The following KCNMA1 variants were observed in gnomAD, a reference collection of about 807,000 sequenced individuals.
The protein encoded by KCNMA1 is potassium calcium-activated channel subfamily M alpha 1.
Under a neutral mutation model 140.0 loss-of-function variants are expected in KCNMA1, and 29 were observed. That is an observed-to-expected ratio of 0.21 (90% CI 0.15 to 0.28). The LOEUF (loss-of-function observed/expected upper bound fraction) is 0.28. KCNMA1 is among the 10% of genes least tolerant of loss of function. KCNMA1 has a pLI of 1.00. For missense variants in KCNMA1, 880 were observed against 1,602.2 expected, an observed-to-expected ratio of 0.55 and a Z score of 7.70; for synonymous variants, 612 against 611.9, an observed-to-expected ratio of 1.00 and a Z score of 0.00.
chr10:77,108,644 G>C lies in KCNMA1; in HGVS notation c.1132-72C>G. The C allele has an allele frequency of 3.6e-6, 4 of 1,105,094 alleles. No homozygotes were observed. The South Asian group carries it at 5.0e-5, about 14-fold the overall frequency. 68.5% of individuals were successfully genotyped at this position (1,105,094 alleles called of 1,614,324 possible). ...AAAAGGGGGGACCTGTTCAGAGGGT[G>C]GGGGCACTAAGATCTGAAAACACAA... On this transcript the variant is annotated intron_variant, in intron 8 of 27. Transcript: ENST00000286628. The surrounding 1 kb of genome is among the most constrained non-coding windows in gnomAD (Gnocchi z 4.6).
intron 2 of KCNMA1, among the ~76,000 whole-genome samples, chr10:77,281,999 T>C (rs2068780883): frequency 6.6e-6 from 1 of 152,196 alleles, no homozygotes; most frequent in Non-Finnish European, 1.5e-5. Context: ...AGACCTCAGT[T>C]TGGGTTAACA....
chr10:77,203,436 C>G (rs1373439104), intron 3 of KCNMA1, among the ~76,000 whole-genome samples: 1 of 152,156 alleles, frequency 6.6e-6, no homozygotes, highest in East Asian at 1.9e-4. Flanking sequence ...AAAGCCTCCC[C>G]TGATCCTCCT....
intron 5 of KCNMA1, among the ~76,000 whole-genome samples, chr10:77,179,366 C>T (rs1316299948): frequency 6.6e-6 from 1 of 152,114 alleles, no homozygotes; most frequent in Non-Finnish European, 1.5e-5. Context: ...GGTCGGATCT[C>T]CAAGCTGCTG....
intron 2 of KCNMA1, among the ~76,000 whole-genome samples, chr10:77,383,390 G>A (rs994262771): frequency 2.0e-5 from 3 of 148,168 alleles, no homozygotes; most frequent in South Asian, 4.3e-4. Context: ...GAGGCCTGGA[G>A]AGATGGTTGC....
intron 14 of KCNMA1, among the ~76,000 whole-genome samples, chr10:77,059,927 G>A (rs1226663931): frequency 1.3e-5 from 2 of 152,076 alleles, no homozygotes; most frequent in East Asian, 3.9e-4. Context: ...TACCACCAAT[G>A]AACAATTGGA....
intron 1 of KCNMA1, among the ~76,000 whole-genome samples, chr10:77,582,067 G>A (rs2076043086): frequency 6.6e-6 from 1 of 152,194 alleles, no homozygotes; most frequent in Non-Finnish European, 1.5e-5. Flanking sequence ...TTTTCCCAGG[G>A]CTGAGAAGAC....
At position 77,323,689 on chromosome 10, in the gene KCNMA1, A is replaced by G. The variant is rs562814782; in HGVS notation, c.541-72433T>C. Among the ~76,000 whole-genome samples, 3 of 152,356 alleles carry G rather than the reference A, an allele frequency of 2.0e-5. No individual in the cohort carries two copies. In the South Asian group the frequency reaches 6.2e-4, roughly 32 times the overall value. On this transcript the variant is annotated intron_variant, in intron 2 of 27. Coordinates refer to ENST00000286628, the MANE Select transcript of KCNMA1 (RefSeq NM_001161352.2). ...AATTTAGTAACTGAAGATAAGTTACATTGTATATGAGATGTATTTATATGC... is the reference window on the plus strand; with the variant it reads ...AATTTAGTAACTGAAGATAAGTTACGTTGTATATGAGATGTATTTATATGC...
Position 76,886,309 on chromosome 10 carries a change from T to C in KCNMA1, c.*957A>G. 1.0e-6 allele frequency: 1 copy of C among 985,306 alleles called. No homozygotes were observed. The highest frequency in any genetic ancestry group is 1.2e-6 in the Non-Finnish European group (1 of 829,920). 61.0% of individuals were successfully genotyped at this position (985,306 alleles called of 1,614,324 possible). ...CTTGCTCTTTCCTGAGCATTATTTA[T>C]TCTGTACATAAGGTAAGTAATTCAC... On this transcript the variant is annotated 3_prime_UTR_variant, in exon 28 of 28. Coordinates refer to ENST00000286628, the MANE Select transcript of KCNMA1 (RefSeq NM_001161352.2).
chr10:76,970,617 G>A (rs1240957874), intron 19 of KCNMA1: 1 of 173,374 alleles, frequency 5.8e-6, no homozygotes, highest in African/African-American at 2.4e-5. Flanking sequence ...CAATCAGATC[G>A]GGGCACATTG....
intron 21 of KCNMA1, 112 bp downstream of exon 21, chr10:76,953,689 A>G: frequency 7.7e-7 from 1 of 1,305,878 alleles, no homozygotes. Flanking sequence ...CATCAAAAAT[A>G]ATTAGGACCA....
At chr10:77,621,196 A>G (rs1415290514) in intron 1 of KCNMA1, among the ~76,000 whole-genome samples, 2 of 152,232 alleles carry the variant, frequency 1.3e-5, no homozygotes, top group African/African-American at 2.4e-5. Flanking sequence ...AAGGCAAGGA[A>G]GATTCATAAC....
At chr10:76,893,245 T>C (rs2040983429) in intron 25 of KCNMA1, among the ~76,000 whole-genome samples, 1 of 152,172 alleles carries the variant, frequency 6.6e-6, no homozygotes, top group Admixed American at 6.5e-5. Context: ...CTTAGAAACA[T>C]GCTTGGTGCA....
At chr10:77,144,274 T>C (rs183279603) in intron 5 of KCNMA1, among the ~76,000 whole-genome samples, 266 of 152,244 alleles carry the variant, frequency 1.7e-3, no homozygotes, top group Non-Finnish European at 3.3e-3. Flanking sequence ...CAACAATATA[T>C]ACAAATATCA....
At chr10:76,987,394 G>A (rs972415318) in intron 19 of KCNMA1, among the ~76,000 whole-genome samples, 18 of 152,216 alleles carry the variant, frequency 1.2e-4, no homozygotes, top group Non-Finnish European at 2.5e-4. Flanking sequence ...TACTTGAGCT[G>A]TACCTTCACA....
chr10:77,374,903 A>C (rs2094975814), intron 2 of KCNMA1, among the ~76,000 whole-genome samples: 1 of 152,172 alleles, frequency 6.6e-6, no homozygotes, highest in Non-Finnish European at 1.5e-5. Context: ...GGGGGAAGGA[A>C]GCTGCCCCAG....
intron 9 of KCNMA1, among the ~76,000 whole-genome samples, chr10:77,102,215 G>A (rs1206844477): frequency 6.6e-6 from 1 of 152,192 alleles, no homozygotes; most frequent in Non-Finnish European, 1.5e-5. Flanking sequence ...TAGATTAAAT[G>A]AGTCTTTGTA....
intron 16 of KCNMA1, 175 bp from the exon 17 acceptor site, chr10:77,019,274 A>G: frequency 1.6e-6 from 1 of 613,516 alleles, no homozygotes; most frequent in East Asian, 2.8e-5. Context: ...TAGTTGGATA[A>G]TGCCATCATT....
chr10:77,473,718 C>A (rs1350117628), intron 1 of KCNMA1, among the ~76,000 whole-genome samples: 2 of 152,088 alleles, frequency 1.3e-5, no homozygotes, highest in Non-Finnish European at 2.9e-5. Context: ...CTTGAGAATC[C>A]CTGACTCGAC....
chr10:76,983,192 A>C (rs913919312), intron 19 of KCNMA1, among the ~76,000 whole-genome samples: 1 of 152,270 alleles, frequency 6.6e-6, no homozygotes, highest in African/African-American at 2.4e-5. Context: ...TTCACTGAGA[A>C]GAAAATGTTT....
Sources: gnomAD v4.1 joint callset for allele counts (sites outside exome capture counted in the v4.1 genomes callset) on GRCh38, gnomAD v4.1.1 for gene constraint, Gnocchi (gnomAD v3.1) non-coding constraint, MANE v1.5 for transcripts, NCBI Gene and HGNC (gene_info 2026-07-23, HGNC 2026-07-21) for gene names.